The following TMED10 variants were observed in gnomAD, a reference collection of about 807,000 sequenced individuals.
The protein encoded by TMED10 is transmembrane p24 trafficking protein 10, also known as transmembrane emp24 domain-containing protein 10.
TMED10 carries 7 observed loss-of-function variants against 23.1 expected under a neutral mutation model. The observed-to-expected ratio is 0.30, with a 90% confidence interval of 0.17 to 0.57. The LOEUF (loss-of-function observed/expected upper bound fraction) is 0.57. Ranked by LOEUF, TMED10 falls within the 20% of genes least tolerant of loss-of-function variation. The pLI is 0.91. For synonymous variants in TMED10, 113 were observed against 106.9 expected, an observed-to-expected ratio of 1.06 and a Z score of -0.35; for missense variants, 162 against 274.8, an observed-to-expected ratio of 0.59 and a Z score of 2.90.
chr14:75,138,883 C>T (rs904119670), intron 3 of TMED10, among the ~76,000 whole-genome samples: 14 of 147,618 alleles, frequency 9.5e-5, no homozygotes, highest in African/African-American at 3.3e-4. Flanking sequence ...ACCTAAAACC[C>T]GAAAAACAAT....
rs1555355603 is a variant in TMED10 at position 75,138,825 on chromosome 14, T to TTTA, written c.412-2940_412-2939insTAA. 3.5e-5 allele frequency among the ~76,000 whole-genome samples: 5 copies of TTTA among 141,698 alleles called. No individual in the cohort carries two copies. The East Asian group carries it at 8.0e-4, about 23-fold the overall frequency. The allele number at this position is 141,698 out of a possible 152,430, so 93.0% of individuals were successfully genotyped here. ...CAGCCTTTGCTTCTTTTTTTTTTTT[T>TTTA]TTTTTTTATTTTTGTTGTTGTTGTT... On this transcript the variant is annotated intron_variant, in intron 3 of 4. Transcript: ENST00000303575.
At chr14:75,135,141 ATTTTTC>A in intron 4 of TMED10, 135 bp from the exon 5 acceptor site, 2 of 1,215,690 alleles carry the variant, frequency 1.6e-6, no homozygotes, top group Non-Finnish European at 2.3e-6. Flanking sequence ...ATTTCAGATA[ATTTTTC>A]TTTTTAAGTT....
At chr14:75,147,206 T>TTTTTTTTTTTTTTTTTTTTTG (rs1895896963) in intron 3 of TMED10, among the ~76,000 whole-genome samples, 1 of 85,886 alleles carries the variant, frequency 1.2e-5, no homozygotes, top group African/African-American at 3.9e-5. Context: ...TTTTTTTTTT[T>TTTTTTTTTTTTTTTTTTTTTG]GAGATGGAGC....
intron 1 of TMED10, among the ~76,000 whole-genome samples, chr14:75,167,424 C>T (rs1896178678): frequency 2.0e-5 from 3 of 151,606 alleles, no homozygotes; most frequent in South Asian, 4.2e-4. Context: ...CTTTTCTCCT[C>T]CTCGCCCCCA....
intron 2 of TMED10, 48 bp downstream of exon 2, chr14:75,151,984 A>G: frequency 6.8e-7 from 1 of 1,477,738 alleles, no homozygotes; most frequent in Non-Finnish European, 9.4e-7. Flanking sequence ...AAGGAGCATT[A>G]GAGTTGGAGA....
intron 3 of TMED10, among the ~76,000 whole-genome samples, chr14:75,138,459 G>A (rs567804139): frequency 3.3e-5 from 5 of 152,314 alleles, no homozygotes; most frequent in African/African-American, 1.2e-4. Context: ...TTTCCTAAGT[G>A]AATGGCCAAA....
intron 4 of TMED10, among the ~76,000 whole-genome samples, chr14:75,135,419 G>A (rs1258315674): frequency 2.0e-5 from 3 of 152,148 alleles, no homozygotes; most frequent in Admixed American, 6.5e-5. Context: ...CAGCCTGAGC[G>A]ACAGAGCGAG....
chr14:75,170,141 G>A (rs1896214043), intron 1 of TMED10, among the ~76,000 whole-genome samples: 2 of 152,082 alleles, frequency 1.3e-5, no homozygotes, highest in African/African-American at 4.8e-5. Context: ...GCAGGAGAAT[G>A]GTGTGAACCC....
intron 1 of TMED10, among the ~76,000 whole-genome samples, chr14:75,161,073 T>G (rs1896080057): frequency 1.3e-5 from 2 of 152,142 alleles, no homozygotes; most frequent in Non-Finnish European, 2.9e-5. Context: ...AAAAAAGTGT[T>G]AATTTTATAT....
chr14:75,154,040 G>A (rs1312380326), intron 1 of TMED10, among the ~76,000 whole-genome samples: 2 of 150,722 alleles, frequency 1.3e-5, no homozygotes, highest in Non-Finnish European at 1.5e-5. Context: ...CAAAGTGCTG[G>A]GGTTACAGGC....
intron 1 of TMED10, chr14:75,176,021 A>C: frequency 2.7e-6 from 1 of 367,852 alleles, no homozygotes; most frequent in African/African-American, 2.1e-5. Flanking sequence ...ATAAATATTC[A>C]ACACCCCAAC....
Position 75,131,555 on chromosome 14 carries a change from C to G in TMED10, c.*3330G>C, listed in dbSNP as rs1297153509. The G allele has an allele frequency of 2.6e-5, 4 of 152,572 alleles. No individual in the cohort carries two copies. Among genetic ancestry groups the G allele is most frequent in the African/African-American group, 4.8e-5 (2 of 41,428 alleles). 9.5% of individuals were successfully genotyped at this position (152,572 alleles called of 1,614,324 possible). The stretch of plus-strand genomic sequence containing the variant: ...AGTGAATCTGTATAAATCCCATATG[C>G]CTCTTTCCCAAACAAACCAAGAAAT... On this transcript the variant is annotated 3_prime_UTR_variant, in exon 5 of 5. Coordinates refer to ENST00000303575, the MANE Select transcript of TMED10 (RefSeq NM_006827.6).
chr14:75,171,742 G>A (rs1405995232), intron 1 of TMED10, among the ~76,000 whole-genome samples: 1 of 43,554 alleles, frequency 2.3e-5, no homozygotes, highest in Non-Finnish European at 5.9e-5. Flanking sequence ...CCTTCAGAAC[G>A]ATTAAGACAA....
In TMED10 at chr14:75,134,805, T is replaced by C; in HGVS notation, c.*80A>G. The C allele has an allele frequency of 1.3e-6, 2 of 1,588,086 alleles. No homozygotes were observed. Among genetic ancestry groups the C allele is most frequent in the Non-Finnish European group, 1.7e-6 (2 of 1,161,986 alleles). ...CAACGTGCCTTGATGGTGCTGTTGG[T>C]AGGATGCCTTAGGCCAGGCACGTCC... On this transcript the variant is annotated 3_prime_UTR_variant, in exon 5 of 5. Transcript: ENST00000303575.
intron 3 of TMED10, among the ~76,000 whole-genome samples, chr14:75,138,156 G>C (rs1895776240): frequency 6.6e-6 from 1 of 152,146 alleles, no homozygotes; most frequent in Non-Finnish European, 1.5e-5. Flanking sequence ...GGGATGAATA[G>C]GAGGCATTTA....
At chr14:75,136,471 T>C (rs548946288) in intron 3 of TMED10, among the ~76,000 whole-genome samples, 6 of 152,344 alleles carry the variant, frequency 3.9e-5, no homozygotes, top group African/African-American at 1.2e-4. Flanking sequence ...TTTTTGACTT[T>C]AGTAAAGCAC....
chr14:75,169,347 T>C (rs965569551), intron 1 of TMED10, among the ~76,000 whole-genome samples: 6 of 152,178 alleles, frequency 3.9e-5, no homozygotes, highest in African/African-American at 1.2e-4. Context: ...CAAGGCACTA[T>C]ATTCACAGAG....
intron 1 of TMED10, among the ~76,000 whole-genome samples, chr14:75,172,507 A>G (rs1186075724): frequency 6.6e-6 from 1 of 152,032 alleles, no homozygotes; most frequent in Non-Finnish European, 1.5e-5. Flanking sequence ...ACGGGGTTTC[A>G]CCGTGTTGGT....
chr14:75,136,683 T>C (rs1413838059), intron 3 of TMED10: 1 of 152,230 alleles, frequency 6.6e-6, no homozygotes, highest in Non-Finnish European at 1.5e-5. Context: ...TTCTGGTTCA[T>C]ATAAATCCTA....
Sources: allele counts gnomAD v4.1 joint callset (sites outside exome capture counted in the v4.1 genomes callset), GRCh38; gene constraint gnomAD v4.1.1; transcripts MANE v1.5; gene names NCBI Gene and HGNC (gene_info 2026-07-23, HGNC 2026-07-21).